The following EYS variants were observed in gnomAD, a reference collection of about 807,000 sequenced individuals.
EYS encodes the protein protein eyes shut homolog.
In EYS, 250 loss-of-function variants were observed where a neutral mutation model predicts 282.1. The ratio of observed to expected loss-of-function variants is 0.89; its 90% CI spans 0.80 to 0.98. The LOEUF (loss-of-function observed/expected upper bound fraction) is 0.98. EYS is among the 50% of genes least tolerant of loss of function. The pLI, the probability that EYS is intolerant of heterozygous loss-of-function variation, is 0.00. For missense variants in EYS, 4,016 were observed against 3,709.0 expected (o/e 1.08, Z -2.15); for synonymous variants, 1,355 against 1,282.9 (o/e 1.06, Z -1.20).
chr6:64,018,150 A>G (rs1768986627), intron 33 of EYS, among the ~76,000 whole-genome samples: 1 of 152,184 alleles, frequency 6.6e-6, no homozygotes, highest in South Asian at 2.1e-4. Context: ...GTATATGTAT[A>G]TATAAATATG....
chr6:64,558,261 T>TAAAAA (rs1765292152), intron 26 of EYS, among the ~76,000 whole-genome samples: 1 of 152,122 alleles, frequency 6.6e-6, no homozygotes, highest in South Asian at 2.1e-4. Context: ...AACCATTTCT[T>TAAAAA]AAAAATACTC....
At chr6:64,010,659 T>C (rs1001066008) in intron 33 of EYS, among the ~76,000 whole-genome samples, 3 of 152,160 alleles carry the variant, frequency 2.0e-5, no homozygotes, top group African/African-American at 7.2e-5. Context: ...TGTTTCTTTT[T>C]CTCTCTTTTT....
chr6:65,637,713 C>G (rs767724179), intron 2 of EYS, among the ~76,000 whole-genome samples: 26 of 152,240 alleles, frequency 1.7e-4, no homozygotes, highest in Non-Finnish European at 2.6e-4. Context: ...TGTTGCAACT[C>G]TAACAAGTGT....
At chr6:64,263,886 T>C (rs1410984783) in intron 30 of EYS, among the ~76,000 whole-genome samples, 2 of 151,978 alleles carry the variant, frequency 1.3e-5, no homozygotes, top group Non-Finnish European at 2.9e-5. Context: ...AAGAACAAGA[T>C]AAAGCCTGCA....
intron 12 of EYS, among the ~76,000 whole-genome samples, chr6:65,158,868 C>T (rs1001820348): frequency 1.3e-5 from 2 of 150,928 alleles, no homozygotes; most frequent in Non-Finnish European, 3.0e-5. Context: ...ACTGCGGAAT[C>T]ATTTCTAATA....
chr6:64,674,203 G>A (rs1319786315), intron 22 of EYS, among the ~76,000 whole-genome samples: 1 of 152,010 alleles, frequency 6.6e-6, no homozygotes, highest in South Asian at 2.1e-4. Context: ...TATTGGCAGA[G>A]GAGAGAAGCA....
At chr6:65,341,619 T>C (rs536171636) in intron 10 of EYS, among the ~76,000 whole-genome samples, 1 of 151,364 alleles carries the variant, frequency 6.6e-6, no homozygotes, top group South Asian at 2.1e-4. Context: ...TAAGAAGCAC[T>C]AGATTTTTAA....
chr6:64,989,656 ATAT>A (rs897164168), intron 14 of EYS, among the ~76,000 whole-genome samples: 7 of 144,588 alleles, frequency 4.8e-5, no homozygotes, highest in African/African-American at 1.7e-4. Flanking sequence ...TATAAAAATT[ATAT>A]TATTTATTTT....
intron 29 of EYS, among the ~76,000 whole-genome samples, chr6:64,381,868 C>T (rs1431798196): frequency 6.6e-6 from 1 of 152,010 alleles, no homozygotes; most frequent in Admixed American, 6.5e-5. Context: ...CCCTTTTTGT[C>T]AGGGCAAAAC....
At chr6:64,453,199 T>C in intron 26 of EYS, among the ~76,000 whole-genome samples, 1 of 152,022 alleles carries the variant, frequency 6.6e-6, no homozygotes, top group Non-Finnish European at 1.5e-5. Flanking sequence ...GGACGAAGGA[T>C]ATGAACAGAC....
At chr6:64,395,135 G>T (rs1442798271) in intron 28 of EYS, among the ~76,000 whole-genome samples, 1 of 152,050 alleles carries the variant, frequency 6.6e-6, no homozygotes, top group African/African-American at 2.4e-5. Flanking sequence ...GGAAACAACA[G>T]GTGCTGGAGA....
At chr6:63,926,140 T>C (rs955016840) in intron 35 of EYS, among the ~76,000 whole-genome samples, 2 of 152,334 alleles carry the variant, frequency 1.3e-5, no homozygotes, top group African/African-American at 2.4e-5. Flanking sequence ...AATAGTTAGA[T>C]AATCTTTCAA....
rs1768770857 is a variant in EYS, at chr6:64,656,902, C to T, written c.3444-30657G>A. 2.0e-5 allele frequency among the ~76,000 whole-genome samples: 3 copies of T among 152,240 alleles called. No individual in the cohort carries two copies. In the South Asian group the frequency reaches 6.2e-4, roughly 32 times the overall value. On this transcript the variant is annotated intron_variant, in intron 22 of 42. Transcript: ENST00000503581. ...ATGAGAGGAGTAGGAGTGATAGCCA[C>T]CCATTAGACAACAGCATGACAGAGT... is the stretch of plus-strand genomic sequence containing the variant.
At chr6:64,928,955 G>A (rs553660024) in intron 15 of EYS, among the ~76,000 whole-genome samples, 46 of 152,182 alleles carry the variant, frequency 3.0e-4, no homozygotes, top group South Asian at 6.2e-4. Context: ...TTCAATAACC[G>A]TAAGATATGT....
At chr6:64,497,877 G>C (rs1776937321) in intron 26 of EYS, among the ~76,000 whole-genome samples, 1 of 152,044 alleles carries the variant, frequency 6.6e-6, no homozygotes, top group African/African-American at 2.4e-5. Context: ...TTTGAGCCTG[G>C]GTGAACAAAA....
chr6:64,599,475 A>G (rs868614539), intron 24 of EYS, among the ~76,000 whole-genome samples: 3 of 152,298 alleles, frequency 2.0e-5, no homozygotes, highest in Middle Eastern at 3.4e-3. Flanking sequence ...AATAAAATAG[A>G]AATAAAAATT....
intron 35 of EYS, among the ~76,000 whole-genome samples, chr6:63,979,403 C>T (rs1766990445): frequency 6.6e-6 from 1 of 151,856 alleles, no homozygotes; most frequent in Non-Finnish European, 1.5e-5. Flanking sequence ...GCATAGAAAG[C>T]AGATTCATTG....
intron 8 of EYS, among the ~76,000 whole-genome samples, chr6:65,366,139 T>C (rs573664763): frequency 6.6e-6 from 1 of 151,772 alleles, no homozygotes; most frequent in South Asian, 2.1e-4. Flanking sequence ...GATAAATTAG[T>C]AAAGTATGTA....
In EYS at chr6:64,559,196, A is replaced by T. The variant is rs151116771; in HGVS notation, c.5644+31027T>A. On this transcript the variant is annotated intron_variant, in intron 26 of 42. Transcript: ENST00000503581. ...TTCCTAAAGTCATTATTATTTATCTACCTTAACATTTGTAATGACCATAAA... is the reference window on the plus strand; with the variant it reads ...TTCCTAAAGTCATTATTATTTATCTTCCTTAACATTTGTAATGACCATAAA... Among the ~76,000 whole-genome samples, 130 of 151,850 alleles carry T rather than the reference A, an allele frequency of 8.6e-4. 1 individual carries two copies. In the East Asian group the frequency reaches 0.022, roughly 26 times the overall value.
Sources: allele counts gnomAD v4.1 joint callset (sites outside exome capture counted in the v4.1 genomes callset), GRCh38; gene constraint gnomAD v4.1.1; transcripts MANE v1.5; gene names NCBI Gene and HGNC (gene_info 2026-07-23, HGNC 2026-07-21).